The following STAU2 variants were observed in gnomAD, a reference collection of about 807,000 sequenced individuals.
STAU2 encodes the protein double-stranded RNA-binding protein Staufen homolog 2.
A neutral mutation model predicts 65.9 loss-of-function variants in STAU2; 20 were observed. That is an observed-to-expected ratio of 0.30 (90% CI 0.21 to 0.44). The LOEUF is 0.44. Ranked by LOEUF, STAU2 falls within the 20% of genes least tolerant of loss-of-function variation. The probability of loss-of-function intolerance (pLI) is 1.00; values close to 1 mark genes in which losing one functional copy is unlikely to be tolerated. For missense variants in STAU2, 558 were observed against 683.9 expected, an observed-to-expected ratio of 0.82 and a Z score of 2.05; for synonymous variants, 232 against 233.9, an observed-to-expected ratio of 0.99 and a Z score of 0.07.
chr8:73,607,795 C>T (rs974205022), intron 9 of STAU2, among the ~76,000 whole-genome samples: 5 of 150,370 alleles, frequency 3.3e-5, no homozygotes, highest in African/African-American at 1.2e-4. Context: ...TGCATATGAA[C>T]TTTCTTCATG....
At chr8:73,715,459 AAAAAAAAGAAAG>A (rs1272919879) in intron 3 of STAU2, among the ~76,000 whole-genome samples, 1 of 147,022 alleles carries the variant, frequency 6.8e-6, no homozygotes, top group East Asian at 2.0e-4. Context: ...GTCAAAAAAA[AAAAAAAAGAAAG>A]AAAGAAAGAA....
chr8:73,544,537 T>C (rs1281699877), intron 13 of STAU2, among the ~76,000 whole-genome samples: 1 of 152,238 alleles, frequency 6.6e-6, no homozygotes. Context: ...CCATGCCCTT[T>C]TATGTCTTCA....
intron 6 of STAU2, among the ~76,000 whole-genome samples, chr8:73,634,720 T>C (rs146884600): frequency 2.3e-4 from 35 of 152,240 alleles, no homozygotes; most frequent in African/African-American, 7.9e-4. Flanking sequence ...ACTCACCATA[T>C]AAGCCTCCAC....
At chr8:73,451,797 A>G (rs934125002) in intron 13 of STAU2, among the ~76,000 whole-genome samples, 1 of 152,102 alleles carries the variant, frequency 6.6e-6, no homozygotes, top group Non-Finnish European at 1.5e-5. Flanking sequence ...TTTTAAAAAT[A>G]GTATATTCTT....
chr8:73,538,346 C>T (rs915863143), intron 13 of STAU2, among the ~76,000 whole-genome samples: 2 of 151,736 alleles, frequency 1.3e-5, no homozygotes, highest in South Asian at 2.1e-4. Context: ...ATTTACAATA[C>T]GAAATAAAAT....
chr8:73,672,139 T>G (rs983135685), intron 6 of STAU2: 1 of 152,006 alleles, frequency 6.6e-6, no homozygotes, highest in Non-Finnish European at 1.5e-5. Flanking sequence ...TTATGATATA[T>G]CCATACAAAG....
At chr8:73,618,059 TAAG>T (rs1189942933) in intron 6 of STAU2, among the ~76,000 whole-genome samples, 1 of 152,066 alleles carries the variant, frequency 6.6e-6, no homozygotes, top group African/African-American at 2.4e-5. Flanking sequence ...ACAGAGAATG[TAAG>T]AAGAAACAAA....
chr8:73,567,950 A>C (rs1321156384), intron 12 of STAU2, among the ~76,000 whole-genome samples: 1 of 152,174 alleles, frequency 6.6e-6, no homozygotes, highest in African/African-American at 2.4e-5. Flanking sequence ...TGAAATCATC[A>C]ATAATACCAA....
chr8:73,467,846 G>A (rs1819744393), intron 13 of STAU2, among the ~76,000 whole-genome samples: 1 of 152,090 alleles, frequency 6.6e-6, no homozygotes, highest in African/African-American at 2.4e-5. Context: ...TCATGGATAG[G>A]AAGAATCAAT....
intron 5 of STAU2, among the ~76,000 whole-genome samples, chr8:73,679,054 A>G (rs564864215): frequency 6.6e-6 from 1 of 152,330 alleles, no homozygotes; most frequent in South Asian, 2.1e-4. Flanking sequence ...TAACAAAAAT[A>G]TCTAAGGCGA....
chr8:73,486,612 T>A (rs1352249490), intron 13 of STAU2, among the ~76,000 whole-genome samples: 2 of 79,016 alleles, frequency 2.5e-5, no homozygotes, highest in Admixed American at 2.8e-4. Context: ...AAATATCCAT[T>A]ATATATATAT....
intron 13 of STAU2, among the ~76,000 whole-genome samples, chr8:73,500,135 C>T (rs1366900651): frequency 6.6e-6 from 1 of 151,862 alleles, no homozygotes; most frequent in East Asian, 1.9e-4. Context: ...TATTATGGTC[C>T]AGTATACAGT....
At chr8:73,586,361 T>A (rs943293101) in intron 11 of STAU2, among the ~76,000 whole-genome samples, 1 of 152,158 alleles carries the variant, frequency 6.6e-6, no homozygotes, top group Non-Finnish European at 1.5e-5. Context: ...CAAGGTATTA[T>A]GAAATCTCCC....
At chr8:73,452,889 C>A (rs1019311593) in intron 13 of STAU2, among the ~76,000 whole-genome samples, 2 of 152,050 alleles carry the variant, frequency 1.3e-5, no homozygotes, top group Non-Finnish European at 2.9e-5. Flanking sequence ...CTCCAACGAG[C>A]CAGAAGAAAG....
At chr8:73,620,210 T>C (rs535811083) in intron 6 of STAU2, among the ~76,000 whole-genome samples, 14 of 152,348 alleles carry the variant, frequency 9.2e-5, no homozygotes, top group South Asian at 6.2e-4. Context: ...TAACTTTGTT[T>C]ATTTTTAACT....
At chr8:73,582,094 T>C (rs936997450) in intron 12 of STAU2, among the ~76,000 whole-genome samples, 2 of 152,188 alleles carry the variant, frequency 1.3e-5, no homozygotes, top group Non-Finnish European at 2.9e-5. Context: ...AGGAAAAATG[T>C]CTAAACGTCC....
At chr8:73,434,855 T>C (rs752337629) in intron 13 of STAU2, among the ~76,000 whole-genome samples, 13 of 152,024 alleles carry the variant, frequency 8.6e-5, no homozygotes, top group Non-Finnish European at 1.6e-4. Context: ...AATCCTATCA[T>C]TAAGCCACTC....
intron 6 of STAU2, among the ~76,000 whole-genome samples, chr8:73,617,740 C>T (rs1478052814): frequency 6.6e-6 from 1 of 152,064 alleles, no homozygotes; most frequent in Non-Finnish European, 1.5e-5. Context: ...AGTTTTCGGT[C>T]AGATTTTGAC....
chr8:73,637,477 T>TAACAAAAAAA (rs1814618382), intron 6 of STAU2, among the ~76,000 whole-genome samples: 1 of 57,086 alleles, frequency 1.8e-5, no homozygotes, highest in Non-Finnish European at 3.0e-5. Flanking sequence ...GTGCTGAAAG[T>TAACAAAAAAA]AAAAAAAAAA....
Sources: gnomAD v4.1 joint callset for allele counts (sites outside exome capture counted in the v4.1 genomes callset) on GRCh38, gnomAD v4.1.1 for gene constraint, MANE v1.5 for transcripts, NCBI Gene and HGNC (gene_info 2026-07-23, HGNC 2026-07-21) for gene names.